Variants in RAB2A observed in about 807,000 individuals in gnomAD.
The protein encoded by RAB2A is ras-related protein Rab-2A.
Under a neutral mutation model 32.5 loss-of-function variants are expected in RAB2A, and 7 were observed. The observed-to-expected ratio is 0.22, with a 90% CI of 0.12 to 0.40. The LOEUF is 0.40. Ranked by LOEUF, RAB2A falls within the 10% of genes least tolerant of loss-of-function variation. The pLI, the probability that RAB2A is intolerant of heterozygous loss-of-function variation, is 1.00. For missense variants in RAB2A, 108 were observed against 260.7 expected, an observed-to-expected ratio of 0.41 and a Z score of 4.03; for synonymous variants, 79 against 85.2, an observed-to-expected ratio of 0.93 and a Z score of 0.40.
intron 2 of RAB2A, among the ~76,000 whole-genome samples, chr8:60,561,818 T>C (rs1459350049): frequency 1.3e-5 from 2 of 152,100 alleles, no homozygotes; most frequent in African/African-American, 2.4e-5. Flanking sequence ...TCTGGGTGAG[T>C]AGTCATACAT....
chr8:60,593,307 C>G lies in RAB2A; in HGVS notation c.474+1338C>G, dbSNP rs73683526. 6.4e-3 allele frequency among the ~76,000 whole-genome samples: 980 copies of G among 152,234 alleles called. 8 individuals are homozygous for G. Among genetic ancestry groups the G allele is most frequent in the African/African-American group, 0.021 (892 of 41,528 alleles). Reference sequence around the variant, plus strand: ...CACTTCCCTTAGTAGACCTTGGTGCCAGAGGAATGACACAGTGATGATTTC... The same window carrying G: ...CACTTCCCTTAGTAGACCTTGGTGCGAGAGGAATGACACAGTGATGATTTC... On this transcript the variant is annotated intron_variant, in intron 6 of 7. Coordinates refer to ENST00000262646, the MANE Select transcript of RAB2A (RefSeq NM_002865.3).
At chr8:60,563,359 G>A (rs1285506996) in intron 2 of RAB2A, among the ~76,000 whole-genome samples, 1 of 152,180 alleles carries the variant, frequency 6.6e-6, no homozygotes, top group African/African-American at 2.4e-5. Context: ...GTGCTGTTGT[G>A]CTGGACCAGC....
chr8:60,542,715 G>A (rs1379894444), intron 1 of RAB2A, among the ~76,000 whole-genome samples: 3 of 152,162 alleles, frequency 2.0e-5, no homozygotes, highest in African/African-American at 7.2e-5. Context: ...GTAGATGATT[G>A]CATCAAGGGA....
chr8:60,525,961 A>C (rs1197081959), intron 1 of RAB2A, among the ~76,000 whole-genome samples: 5 of 146,298 alleles, frequency 3.4e-5, no homozygotes, highest in Admixed American at 6.9e-5. Flanking sequence ...GTATATATGT[A>C]TATATATGTC....
At chr8:60,607,019 CT>C (rs780579044) in intron 6 of RAB2A, among the ~76,000 whole-genome samples, 21,912 of 151,278 alleles carry the variant, frequency 0.14, 4,468 homozygotes, top group African/African-American at 0.46. Flanking sequence ...TTCATGGTCA[CT>C]ATTATATGTT....
chr8:60,528,950 A>G (rs1043810532), intron 1 of RAB2A, among the ~76,000 whole-genome samples: 2 of 152,202 alleles, frequency 1.3e-5, no homozygotes, highest in African/African-American at 4.8e-5. Flanking sequence ...CTAGCTCAAG[A>G]AAAGAGATTT....
chr8:60,535,012 A>G (rs1807536685), intron 1 of RAB2A, among the ~76,000 whole-genome samples: 1 of 152,028 alleles, frequency 6.6e-6, no homozygotes, highest in Admixed American at 6.6e-5. Flanking sequence ...ATCATGTTGG[A>G]CTTAAGTGTC....
At chr8:60,597,996 A>T (rs34234629) in intron 6 of RAB2A, among the ~76,000 whole-genome samples, 36,060 of 152,156 alleles carry the variant, frequency 0.24, 4,331 homozygotes, top group Middle Eastern at 0.39. Flanking sequence ...TGAAAAAGTT[A>T]ATTTGAGCCT....
At chr8:60,591,363 A>G (rs1376646476) in intron 5 of RAB2A, among the ~76,000 whole-genome samples, 1 of 151,912 alleles carries the variant, frequency 6.6e-6, no homozygotes, top group Non-Finnish European at 1.5e-5. Flanking sequence ...TTAAGAGGAA[A>G]CTGGGAATTA....
chr8:60,601,665 T>C (rs1804137052), intron 6 of RAB2A, among the ~76,000 whole-genome samples: 1 of 152,166 alleles, frequency 6.6e-6, no homozygotes, highest in South Asian at 2.1e-4. Context: ...CTTAATTACA[T>C]TTCTCAGAAG....
chr8:60,531,243 A>G (rs1028448869), intron 1 of RAB2A, among the ~76,000 whole-genome samples: 3 of 152,170 alleles, frequency 2.0e-5, no homozygotes, highest in East Asian at 1.9e-4. Context: ...AATAGCTACT[A>G]TGTAGTCCTC....
At chr8:60,579,660 C>T (rs1183109244) in intron 3 of RAB2A, among the ~76,000 whole-genome samples, 1 of 151,530 alleles carries the variant, frequency 6.6e-6, no homozygotes, top group Non-Finnish European at 1.5e-5. Flanking sequence ...TGGAGTCTCA[C>T]TCTGTCACCC....
At chr8:60,539,988 GA>G (rs1399986332) in intron 1 of RAB2A, among the ~76,000 whole-genome samples, 1 of 151,818 alleles carries the variant, frequency 6.6e-6, no homozygotes, top group Non-Finnish European at 1.5e-5. Context: ...TGGACCTAGG[GA>G]GGTACATGTG....
chr8:60,581,220 A>G (rs945704707), intron 3 of RAB2A, among the ~76,000 whole-genome samples: 1 of 152,188 alleles, frequency 6.6e-6, no homozygotes, highest in Non-Finnish European at 1.5e-5. Flanking sequence ...TTTTTGGTGC[A>G]TTTTGGATTT....
chr8:60,605,947 G>C (rs370023571), intron 6 of RAB2A, among the ~76,000 whole-genome samples: 8 of 151,834 alleles, frequency 5.3e-5, no homozygotes, highest in African/African-American at 1.7e-4. Flanking sequence ...TCAGGAGTTC[G>C]AGACCAGCTT....
chr8:60,590,821 T>C (rs564662304), intron 5 of RAB2A, among the ~76,000 whole-genome samples: 2 of 151,582 alleles, frequency 1.3e-5, no homozygotes, highest in East Asian at 3.9e-4. Context: ...ATCTGAATTT[T>C]TAAAGACATG....
chr8:60,558,806 A>G (rs766920460), intron 1 of RAB2A, 46 bp from the exon 2 acceptor site: 2 of 1,495,736 alleles, frequency 1.3e-6, no homozygotes. Flanking sequence ...AAAGCATCTT[A>G]ATTTCTGTGA....
intron 3 of RAB2A, among the ~76,000 whole-genome samples, chr8:60,575,047 G>A (rs1586091690): frequency 1.3e-5 from 2 of 149,388 alleles, no homozygotes; most frequent in East Asian, 3.9e-4. Context: ...TGTTTCTTGA[G>A]TCTTTGTCTT....
chr8:60,552,296 C>G (rs1442219941), intron 1 of RAB2A: 2 of 151,952 alleles, frequency 1.3e-5, no homozygotes, highest in African/African-American at 4.8e-5. Context: ...CCACCACGCC[C>G]GGCCTAATTT....
Sources: gnomAD v4.1 joint callset for allele counts (sites outside exome capture counted in the v4.1 genomes callset) on GRCh38, gnomAD v4.1.1 for gene constraint, MANE v1.5 for transcripts, NCBI Gene and HGNC (gene_info 2026-07-23, HGNC 2026-07-21) for gene names.